Variants in GPC3 observed in about 807,000 individuals in gnomAD.
GPC3 encodes the protein glypican-3.
In GPC3, 3 loss-of-function variants were observed where a neutral mutation model predicts 34.4. The observed-to-expected ratio is 0.09, with a 90% CI of 0.04 to 0.23. The LOEUF (loss-of-function observed/expected upper bound fraction) is 0.23, where lower values mean the gene tolerates loss of function less well. GPC3 is among the 10% of genes least tolerant of loss of function. The pLI, the probability that GPC3 is intolerant of heterozygous loss-of-function variation, is 1.00. For synonymous variants in GPC3, 177 were observed against 174.0 expected, an observed-to-expected ratio of 1.02 and a Z score of -0.13; for missense variants, 351 against 445.6, an observed-to-expected ratio of 0.79 and a Z score of 1.91.
chrX:133,903,336 A>T (rs1044536598), intron 2 of GPC3, among the ~76,000 whole-genome samples: 2 of 111,440 alleles, frequency 1.8e-5, no homozygotes, highest in Non-Finnish European at 3.8e-5. Context: ...CTGTAATCCC[A>T]GCAATTTGGG....
At position 133,812,196 on chromosome X, in the gene GPC3, G is replaced by A. The variant is rs2075669327; in HGVS notation, c.338-58020C>T. 2.7e-5 allele frequency among the ~76,000 whole-genome samples: 3 copies of A among 111,572 alleles called. No individual in the cohort carries two copies. The South Asian group carries it at 1.1e-3, about 42-fold the overall frequency. On this transcript the variant is annotated intron_variant, in intron 2 of 7. Transcript: ENST00000370818. ...TTCAAGCTGGAGACTGATATAAATG[G>A]GTCTAAAGGACTTCATCATATAAAA...
At chrX:133,655,503 CACCCACA>C (rs2070651693) in intron 6 of GPC3, among the ~76,000 whole-genome samples, 1 of 106,047 alleles carries the variant, frequency 9.4e-6, no homozygotes, top group African/African-American at 3.7e-5. Flanking sequence ...CACACACACA[CACCCACA>C]CACACACACA....
chrX:133,951,702 A>G (rs1193875993), intron 2 of GPC3, among the ~76,000 whole-genome samples: 1 of 112,132 alleles, frequency 8.9e-6, no homozygotes, highest in East Asian at 2.8e-4. Context: ...ACTCTTCACA[A>G]GAGTCTGACT....
intron 6 of GPC3, among the ~76,000 whole-genome samples, chrX:133,655,371 C>T (rs191670649): frequency 1.8e-5 from 2 of 110,482 alleles, no homozygotes; most frequent in East Asian, 5.7e-4. Context: ...TCCACAGAGT[C>T]TAAGTCTGGT....
chrX:133,762,330 C>T (rs1313808312), intron 2 of GPC3, among the ~76,000 whole-genome samples: 6 of 111,960 alleles, frequency 5.4e-5, no homozygotes, highest in African/African-American at 1.9e-4. Context: ...AGTAAGTCCT[C>T]AAAAGCCATT....
At chrX:133,873,624 C>G (rs894580839) in intron 2 of GPC3, among the ~76,000 whole-genome samples, 2 of 111,119 alleles carry the variant, frequency 1.8e-5, no homozygotes, top group African/African-American at 3.3e-5. Context: ...TTACAGAGCT[C>G]AGACACTCCA....
chrX:133,784,220 T>C (rs773261841), intron 2 of GPC3, among the ~76,000 whole-genome samples: 1 of 112,138 alleles, frequency 8.9e-6, no homozygotes, highest in African/African-American at 3.2e-5. Flanking sequence ...TAAATGATTC[T>C]GACCTGGAAT....
rs892385402 is a variant in GPC3, at chrX:133,924,297, A to G, written c.337+28753T>C. ...TTAAATGGCTCTAGAAGGCAATTGT[A>G]TATCAAACTCCTCCATAATGGATTT... is the stretch of plus-strand genomic sequence containing the variant. On this transcript the variant is annotated intron_variant, in intron 2 of 7. Transcript: ENST00000370818. Among the ~76,000 whole-genome samples, 3 of 111,202 alleles carry G rather than the reference A, an allele frequency of 2.7e-5. No individual in the cohort carries two copies. The Admixed American group carries it at 2.9e-4, about 11-fold the overall frequency.
At chrX:133,929,923 A>C (rs1481652347) in intron 2 of GPC3, among the ~76,000 whole-genome samples, 1 of 112,250 alleles carries the variant, frequency 8.9e-6, no homozygotes, top group East Asian at 2.8e-4. Context: ...AAAATCGGGC[A>C]ACATTGAATA....
chrX:133,958,817 C>T (rs1348829204), intron 1 of GPC3, among the ~76,000 whole-genome samples: 1 of 99,456 alleles, frequency 1.0e-5, no homozygotes, highest in Non-Finnish European at 2.0e-5. Context: ...ACCCAGGAGG[C>T]GGAGGTTGCA....
At chrX:133,801,054 A>AC (rs1421831857) in intron 2 of GPC3, among the ~76,000 whole-genome samples, 2 of 111,754 alleles carry the variant, frequency 1.8e-5, no homozygotes, top group Admixed American at 9.5e-5. Context: ...CAAAAATCCC[A>AC]CCCCCAGTAA....
chrX:133,577,528 A>G (rs764537985), intron 7 of GPC3, among the ~76,000 whole-genome samples: 15 of 111,290 alleles, frequency 1.3e-4, no homozygotes, highest in Non-Finnish European at 2.6e-4. Context: ...GAGTGGGTGG[A>G]AGTGTTTTTA....
intron 1 of GPC3, among the ~76,000 whole-genome samples, chrX:133,960,694 A>AT (rs1406283150): frequency 4.6e-5 from 5 of 107,643 alleles, no homozygotes; most frequent in African/African-American, 1.7e-4. Context: ...TGAATGGCAG[A>AT]TTATTTTTTT....
intron 2 of GPC3, among the ~76,000 whole-genome samples, chrX:133,901,993 A>C (rs1450259225): frequency 1.8e-5 from 2 of 112,042 alleles, no homozygotes; most frequent in African/African-American, 6.5e-5. Context: ...TGTGCCTGAC[A>C]TAGAATACTG....
In GPC3 at chrX:133,746,795, CA is replaced by C. The variant is rs1300149265; in HGVS notation, c.1032+6686del. Among the ~76,000 whole-genome samples the C allele has an allele frequency of 2.9e-4, 32 of 112,014 alleles. No homozygotes were observed. The South Asian group carries it at 0.012, about 41-fold the overall frequency. ...GTACTGAAAACAGCTTGTATGAATT[CA>C]GACAAGGTATCTCTATCTGAGACTG... is the stretch of plus-strand genomic sequence containing the variant. On this transcript the variant is annotated intron_variant, in intron 3 of 7. Transcript: ENST00000370818.
At chrX:133,659,868 G>A (rs1197140389) in intron 6 of GPC3, among the ~76,000 whole-genome samples, 1 of 111,894 alleles carries the variant, frequency 8.9e-6, no homozygotes, top group East Asian at 2.8e-4. Context: ...TTGTACCACT[G>A]TCCCCAAGTG....
At position 133,964,091 on chromosome X, in the gene GPC3, T is replaced by C. The variant is rs927752294; in HGVS notation, c.176-10880A>G. ...AGTTGTCACTGGTATGCTCTGATAA[T>C]GCATCAGAGGAGAGATGCCCCACAG... On this transcript the variant is annotated intron_variant, in intron 1 of 7. Transcript: ENST00000370818. Among the ~76,000 whole-genome samples, 6 of 111,953 alleles carry C rather than the reference T, an allele frequency of 5.4e-5. 1 individual carries two copies. The Middle Eastern group carries it at 0.014, about 257-fold the overall frequency.
chrX:133,592,121 G>A (rs1485783460), intron 7 of GPC3, among the ~76,000 whole-genome samples: 1 of 110,951 alleles, frequency 9.0e-6, no homozygotes, highest in Non-Finnish European at 1.9e-5. Context: ...ACCTCCTCCT[G>A]CATAATTTTC....
chrX:133,601,022 T>G (rs1024799745), intron 6 of GPC3, among the ~76,000 whole-genome samples: 1 of 111,763 alleles, frequency 8.9e-6, no homozygotes, highest in African/African-American at 3.3e-5. Flanking sequence ...ATAGACATTC[T>G]GTTAACCTGA....
Sources: gnomAD v4.1 joint callset for allele counts (sites outside exome capture counted in the v4.1 genomes callset) on GRCh38, gnomAD v4.1.1 for gene constraint, MANE v1.5 for transcripts, NCBI Gene and HGNC (gene_info 2026-07-23, HGNC 2026-07-21) for gene names.